STK4: variants seen among roughly 807,000 people sequenced by gnomAD.
STK4 encodes serine/threonine kinase 4.
STK4 carries 30 observed loss-of-function variants against 64.9 expected under a neutral mutation model. That is an observed-to-expected ratio of 0.46 (90% CI 0.35 to 0.63). The LOEUF (loss-of-function observed/expected upper bound fraction) is 0.63, where lower values mean the gene tolerates loss of function less well. STK4 is among the 20% of genes least tolerant of loss of function. The probability of loss-of-function intolerance (pLI) is 0.01; values close to 1 mark genes in which losing one functional copy is unlikely to be tolerated. For synonymous variants in STK4, 177 were observed against 199.0 expected (o/e 0.89, Z 0.93); for missense variants, 466 against 598.5 (o/e 0.78, Z 2.31).
chr20:44,993,011 TTAAAG>T (rs2145679051), intron 5 of STK4, among the ~76,000 whole-genome samples: 2 of 152,294 alleles, frequency 1.3e-5, no homozygotes, highest in African/African-American at 4.8e-5. Context: ...ATGTACTTCT[TTAAAG>T]TATTCGTTGG....
In STK4 at chr20:45,052,753, C is replaced by T. The variant is rs367656372; in HGVS notation, c.1306-22265C>T. On this transcript the variant is annotated intron_variant, in intron 10 of 10. Transcript: ENST00000372806. Reference sequence around the variant, plus strand: ...CTTTCTGGACAATCTCCATGCTCTGCTTTTTAAACTTTTTCTGATGAGTTT... The same window carrying T: ...CTTTCTGGACAATCTCCATGCTCTGTTTTTTAAACTTTTTCTGATGAGTTT... Among the ~76,000 whole-genome samples the T allele has an allele frequency of 5.3e-5, 8 of 152,188 alleles. No homozygotes were observed. The East Asian group carries it at 1.5e-3, about 29-fold the overall frequency.
intron 9 of STK4, among the ~76,000 whole-genome samples, chr20:45,013,268 G>A (rs1276968630): frequency 2.0e-5 from 3 of 151,296 alleles, no homozygotes; most frequent in Admixed American, 6.6e-5. Flanking sequence ...AATAAGTTTT[G>A]GTTTATTTTT....
intron 4 of STK4, 75 bp downstream of exon 4, chr20:44,982,018 G>A (rs1355425134): frequency 7.2e-6 from 7 of 970,834 alleles, no homozygotes; most frequent in African/African-American, 1.6e-5. Context: ...CTTTTTCAGG[G>A]CATTCTCCTA....
intron 10 of STK4, among the ~76,000 whole-genome samples, chr20:45,040,265 A>C (rs1018338168): frequency 2.6e-5 from 4 of 152,060 alleles, no homozygotes; most frequent in Admixed American, 6.6e-5. Flanking sequence ...TTCATTATTT[A>C]GATAATCTCA....
At chr20:45,023,459 C>G (rs2068284992) in intron 9 of STK4, among the ~76,000 whole-genome samples, 1 of 152,100 alleles carries the variant, frequency 6.6e-6, no homozygotes, top group Non-Finnish European at 1.5e-5. Context: ...TTCTAGATAC[C>G]TTCTCATCTA....
intron 9 of STK4, among the ~76,000 whole-genome samples, chr20:45,016,110 A>G (rs2068137253): frequency 6.6e-6 from 1 of 152,146 alleles, no homozygotes. Flanking sequence ...ACATTTTACC[A>G]TTGTGCCGAG....
intron 10 of STK4, among the ~76,000 whole-genome samples, chr20:45,039,135 A>G (rs766270867): frequency 6.6e-6 from 1 of 152,228 alleles, no homozygotes; most frequent in South Asian, 2.1e-4. Context: ...GCAATGTAGA[A>G]TATAAAACTA....
At chr20:45,051,059 T>C (rs1204281779) in intron 10 of STK4, among the ~76,000 whole-genome samples, 2 of 152,210 alleles carry the variant, frequency 1.3e-5, no homozygotes, top group East Asian at 3.8e-4. Flanking sequence ...ATAGAAACTT[T>C]CCACTTCAAA....
At chr20:44,993,836 G>A (rs1220727829) in intron 5 of STK4, among the ~76,000 whole-genome samples, 1 of 152,044 alleles carries the variant, frequency 6.6e-6, no homozygotes, top group Non-Finnish European at 1.5e-5. Context: ...AAAATTAGTC[G>A]GGCATGATGG....
At chr20:45,003,091 T>C (rs1176934566) in intron 9 of STK4, among the ~76,000 whole-genome samples, 1 of 152,174 alleles carries the variant, frequency 6.6e-6, no homozygotes, top group African/African-American at 2.4e-5. Context: ...CACTGTAACC[T>C]TGATCTCCTG....
chr20:45,000,431 C>A lies in STK4; in HGVS notation c.871C>A (p.Arg291=). The A allele has an allele frequency of 6.2e-7, 1 of 1,613,962 alleles. No homozygotes were observed. Among genetic ancestry groups the A allele is most frequent in the South Asian group, 1.1e-5 (1 of 91,074 alleles). ...VRSAKGVSIL[R]DLINEAMDVK... is the part of the protein sequence containing the mutation. ...GAGTGCCAAAGGAGTGTCAATACTGCGAGACTTAATTAATGAAGCCATGGA... is the reference window on the plus strand; with the variant it reads ...GAGTGCCAAAGGAGTGTCAATACTGAGAGACTTAATTAATGAAGCCATGGA... The change falls in exon 8 of 11, where the codon CGA becomes AGA. Residue 291 remains arginine (R), a synonymous_variant. Coordinates refer to ENST00000372806, the MANE Select transcript of STK4 (RefSeq NM_006282.5).
At chr20:44,984,817 T>C (rs1295446754) in intron 4 of STK4, among the ~76,000 whole-genome samples, 1 of 152,028 alleles carries the variant, frequency 6.6e-6, no homozygotes, top group African/African-American at 2.4e-5. Flanking sequence ...AGTCTTGCTC[T>C]GTTGCCCAGG....
At chr20:44,974,022 T>C (rs981704185) in intron 2 of STK4, 8 of 152,204 alleles carry the variant, frequency 5.3e-5, no homozygotes, top group Admixed American at 2.0e-4. Context: ...ATCAGAAATA[T>C]AATGTAAACA....
intron 10 of STK4, among the ~76,000 whole-genome samples, chr20:45,048,836 C>T (rs2068735140): frequency 6.6e-6 from 1 of 152,074 alleles, no homozygotes; most frequent in South Asian, 2.1e-4. Context: ...CTTTCTTGTT[C>T]CTAGGGTGAG....
At chr20:45,051,226 C>T (rs2068771932) in intron 10 of STK4, among the ~76,000 whole-genome samples, 1 of 152,026 alleles carries the variant, frequency 6.6e-6, no homozygotes, top group African/African-American at 2.4e-5. Flanking sequence ...CTTTTTTTGC[C>T]AAGCAAAATT....
intron 10 of STK4, among the ~76,000 whole-genome samples, chr20:45,073,556 A>T (rs1456928744): frequency 6.6e-6 from 1 of 152,140 alleles, no homozygotes; most frequent in Non-Finnish European, 1.5e-5. Flanking sequence ...GAGGATCATG[A>T]TTTTCTAAAT....
intron 5 of STK4, among the ~76,000 whole-genome samples, chr20:44,989,295 A>G (rs778923513): frequency 1.1e-4 from 17 of 152,174 alleles, no homozygotes; most frequent in Non-Finnish European, 2.4e-4. Context: ...TTTTGATTAT[A>G]ACCATCCTAG....
intron 9 of STK4, among the ~76,000 whole-genome samples, chr20:45,010,730 G>T (rs1461662428): frequency 6.6e-6 from 1 of 152,148 alleles, no homozygotes; most frequent in Non-Finnish European, 1.5e-5. Context: ...TGGGACTAAG[G>T]CTTATGTTAC....
chr20:45,005,959 G>T (rs1444447245), intron 9 of STK4, among the ~76,000 whole-genome samples: 3 of 151,612 alleles, frequency 2.0e-5, no homozygotes, highest in Non-Finnish European at 4.4e-5. Context: ...ATATTTTCTG[G>T]TATCTGTTGA....
Sources: allele counts gnomAD v4.1 joint callset (sites outside exome capture counted in the v4.1 genomes callset), GRCh38; gene constraint gnomAD v4.1.1; transcripts MANE v1.5; gene names NCBI Gene and HGNC (gene_info 2026-07-23, HGNC 2026-07-21).